The following TRAF5 variants were observed in gnomAD, a reference collection of about 807,000 sequenced individuals.
TRAF5 encodes TNF receptor-associated factor 5.
In TRAF5, 48 loss-of-function variants were observed where a neutral mutation model predicts 64.5. The ratio of observed to expected loss-of-function variants is 0.74; its 90% CI spans 0.59 to 0.95. The LOEUF (loss-of-function observed/expected upper bound fraction) is 0.95, where lower values mean the gene tolerates loss of function less well. Among genes scored for constraint, TRAF5 ranks in the 40% least tolerant of loss-of-function variants. The pLI is 0.00. For missense variants in TRAF5, 545 were observed against 662.8 expected, an observed-to-expected ratio of 0.82 and a Z score of 1.95; for synonymous variants, 206 against 240.5, an observed-to-expected ratio of 0.86 and a Z score of 1.33.
intron 9 of TRAF5, among the ~76,000 whole-genome samples, chr1:211,370,364 C>CACATTAT (rs1396355008): frequency 7.2e-6 from 1 of 138,880 alleles, no homozygotes; most frequent in Admixed American, 7.8e-5. Context: ...ACTTGGCCAG[C>CACATTAT]ACATTATACA....
In TRAF5 at chr1:211,359,974, A is replaced by G; in HGVS notation, c.441A>G (p.Pro147=). 1 of 1,614,128 alleles carries G rather than the reference A, an allele frequency of 6.2e-7. No homozygotes were observed. The highest frequency in any genetic ancestry group is 8.5e-7 in the Non-Finnish European group (1 of 1,179,948). ...VQCSNEKCRE[P]VLRKDLKEHL... ...GTTCTAATGAGAAGTGCCGGGAGCC[A>G]GTCCTACGGAAAGACCTGAAAGAGC... Residue 147 remains proline (P), a synonymous_variant, in exon 5 of 11, where the codon CCA becomes CCG. Coordinates refer to ENST00000261464, the MANE Select transcript of TRAF5 (RefSeq NM_001033910.3).
At chr1:211,330,369 C>CT (rs60881478) in intron 1 of TRAF5, among the ~76,000 whole-genome samples, 4,399 of 144,242 alleles carry the variant, frequency 0.03, 207 homozygotes, top group African/African-American at 0.1. Flanking sequence ...TTTTCCATGG[C>CT]TTTTTTTTTT....
chr1:211,372,150 C>CA lies in TRAF5; in HGVS notation c.1125dup (p.His376ThrfsTer2). On this transcript the variant is annotated frameshift_variant, in exon 11 of 11. Transcript: ENST00000261464. LOFTEE classifies it high-confidence loss of function. ...CAGCCGTTTTAGAAGAGGAAACTAA[C>CA]AAACATGATACCCACATTAATATTC... 6.6e-7 allele frequency: 1 copy of CA among 1,509,822 alleles called. No individual in the cohort carries two copies. The allele number at this position is 1,509,822 out of a possible 1,614,324, so 93.5% of individuals were successfully genotyped here.
chr1:211,350,788 G>A lies in TRAF5; in HGVS notation c.-1-2451G>A, dbSNP rs74137657. 3.5e-3 allele frequency among the ~76,000 whole-genome samples: 530 copies of A among 152,256 alleles called. 1 individual carries two copies. The highest frequency in any genetic ancestry group is 0.012 in the African/African-American group (496 of 41,538). On this transcript the variant is annotated intron_variant, in intron 1 of 10. Coordinates refer to ENST00000261464, the MANE Select transcript of TRAF5 (RefSeq NM_001033910.3). ...TGGAAGCTGAAAGCCCAATATCAGCGTGCCAGTGTGGTTGGGTTCTGATGA... is the reference window on the plus strand; with the variant it reads ...TGGAAGCTGAAAGCCCAATATCAGCATGCCAGTGTGGTTGGGTTCTGATGA...
intron 1 of TRAF5, among the ~76,000 whole-genome samples, chr1:211,335,584 A>G (rs116402655): frequency 6.6e-6 from 1 of 152,224 alleles, no homozygotes; most frequent in Non-Finnish European, 1.5e-5. Flanking sequence ...AGGTGGTTAA[A>G]GGGCATGTCA....
intron 5 of TRAF5, 76 bp from the exon 6 acceptor site, chr1:211,360,626 C>G (rs1445620235): frequency 3.2e-5 from 38 of 1,197,684 alleles, no homozygotes; most frequent in Non-Finnish European, 4.2e-5. Flanking sequence ...CATATAATCC[C>G]CAAAGAGACA....
intron 6 of TRAF5, 31 bp from the exon 7 acceptor site, chr1:211,361,057 T>G (rs1178327744): frequency 6.2e-7 from 1 of 1,608,642 alleles, no homozygotes; most frequent in Admixed American, 1.7e-5. Flanking sequence ...AAGTGATGAA[T>G]TTCTATAGCT....
chr1:211,333,060 G>T (rs1485693185), intron 1 of TRAF5, among the ~76,000 whole-genome samples: 2 of 152,192 alleles, frequency 1.3e-5, no homozygotes, highest in Non-Finnish European at 2.9e-5. Flanking sequence ...ACTTACACTG[G>T]ATCTTCCTAA....
At position 211,365,335 on chromosome 1, in the gene TRAF5, G is replaced by A. The variant is rs202147251; in HGVS notation, c.697-41G>A. 1.1e-3 allele frequency: 1,674 copies of A among 1,540,058 alleles called. 3 individuals are homozygous for A. Among genetic ancestry groups the A allele is most frequent in the Middle Eastern group, 6.7e-3 (39 of 5,856 alleles). ...TCCTACCACCTCTTTCATTTTTGGA[G>A]CCTCTCAGCAACCTGACTTATTTTT... On this transcript the variant is annotated intron_variant, in intron 7 of 10. Coordinates refer to ENST00000261464, the MANE Select transcript of TRAF5 (RefSeq NM_001033910.3).
chr1:211,343,429 A>AAT (rs1374715557), intron 1 of TRAF5, among the ~76,000 whole-genome samples: 2 of 152,014 alleles, frequency 1.3e-5, no homozygotes, highest in Non-Finnish European at 2.9e-5. Context: ...GAATAATGAT[A>AAT]ATATATATAT....
chr1:211,372,068 A>G, intron 10 of TRAF5, 60 bp from the exon 11 acceptor site: 2 of 1,450,438 alleles, frequency 1.4e-6, no homozygotes, highest in Non-Finnish European at 1.8e-6. Flanking sequence ...ACTTTGGGAA[A>G]ATTTTAAAGA....
rs1703637569 is a variant in TRAF5 at position 211,374,601 on chromosome 1, CATCACCT to C, written c.*1900_*1906del. The C allele has an allele frequency of 6.6e-6, 1 of 152,236 alleles. No homozygotes were observed. The highest frequency in any genetic ancestry group is 2.1e-4 in the South Asian group (1 of 4,830). 9.4% of individuals were successfully genotyped at this position (152,236 alleles called of 1,614,324 possible). A position where few individuals can be genotyped will look rare whatever the true frequency, so the allele number is the denominator to read the frequency against. ...TGAACTGTGGCACGGTTGCTCAACA[CATCACCT>C]CGGACAAATTCAGGAAGCATTTCTT... is the stretch of plus-strand genomic sequence containing the variant. On this transcript the variant is annotated 3_prime_UTR_variant, in exon 11 of 11. Transcript: ENST00000261464.
chr1:211,336,597 T>C (rs1369798759), intron 1 of TRAF5, among the ~76,000 whole-genome samples: 1 of 152,260 alleles, frequency 6.6e-6, no homozygotes, highest in African/African-American at 2.4e-5. Context: ...GGAGAATAGC[T>C]GTTACAGTCA....
intron 2 of TRAF5, 31 bp downstream of exon 2, chr1:211,353,488 T>C: frequency 6.3e-7 from 1 of 1,591,930 alleles, no homozygotes; most frequent in Non-Finnish European, 8.6e-7. Flanking sequence ...ACTCTGGCCA[T>C]GGCAGTCCTA....
chr1:211,374,490 C>A lies in TRAF5; in HGVS notation c.*1788C>A, dbSNP rs1326400296. 1.3e-5 allele frequency: 2 copies of A among 152,224 alleles called. No homozygotes were observed. The highest frequency in any genetic ancestry group is 4.8e-5 in the African/African-American group (2 of 41,438). The allele number at this position is 152,224 out of a possible 1,614,324, so 9.4% of individuals were successfully genotyped here. On this transcript the variant is annotated 3_prime_UTR_variant, in exon 11 of 11. Coordinates refer to ENST00000261464, the MANE Select transcript of TRAF5 (RefSeq NM_001033910.3). ...GGATTTTCAAAATGCTAAAGACTCA[C>A]ACTGCAGCAATCATCCCAGATGATT...
At chr1:211,359,732 C>T in intron 4 of TRAF5, 180 bp from the exon 5 acceptor site, 2 of 594,308 alleles carry the variant, frequency 3.4e-6, no homozygotes, top group Non-Finnish European at 5.7e-6. Context: ...CTCCCCATGC[C>T]CTCTCCTCAG....
chr1:211,352,764 C>T (rs574629622), intron 1 of TRAF5, among the ~76,000 whole-genome samples: 1 of 152,176 alleles, frequency 6.6e-6, no homozygotes, highest in African/African-American at 2.4e-5. Flanking sequence ...CCAGCATGTT[C>T]AATGTCTGGT....
intron 1 of TRAF5, among the ~76,000 whole-genome samples, chr1:211,336,138 AG>A: frequency 6.6e-6 from 1 of 152,284 alleles, no homozygotes; most frequent in East Asian, 1.9e-4. Flanking sequence ...GGCATGATGA[AG>A]TCTCTGGAAA....
chr1:211,350,086 A>G (rs1449212864), intron 1 of TRAF5, among the ~76,000 whole-genome samples: 3 of 147,090 alleles, frequency 2.0e-5, no homozygotes. Flanking sequence ...TTAAATCCCA[A>G]GAGTCAACCA....
Sources: gnomAD v4.1 joint callset for allele counts (sites outside exome capture counted in the v4.1 genomes callset) on GRCh38, gnomAD v4.1.1 for gene constraint, MANE v1.5 for transcripts, NCBI Gene and HGNC (gene_info 2026-07-23, HGNC 2026-07-21) for gene names.